The following MGAT4C variants were observed in gnomAD, a reference collection of about 807,000 sequenced individuals.
The protein encoded by MGAT4C is alpha-1,3-mannosyl-glycoprotein 4-beta-N-acetylglucosaminyltransferase C.
Under a neutral mutation model 40.1 loss-of-function variants are expected in MGAT4C, and 19 were observed. The ratio of observed to expected loss-of-function variants is 0.47; its 90% confidence interval spans 0.33 to 0.70. The LOEUF is 0.70. MGAT4C is among the 30% of genes least tolerant of loss of function. The pLI, the probability that MGAT4C is intolerant of heterozygous loss-of-function variation, is 0.02. For synonymous variants in MGAT4C, 181 were observed against 187.1 expected, an observed-to-expected ratio of 0.97 and a Z score of 0.27; for missense variants, 491 against 563.2, an observed-to-expected ratio of 0.87 and a Z score of 1.30.
chr12:86,304,799 C>T (rs1256141460), intron 4 of MGAT4C, among the ~76,000 whole-genome samples: 8 of 150,488 alleles, frequency 5.3e-5, no homozygotes, highest in East Asian at 1.9e-4. Context: ...CGCCATATGG[C>T]AATAGAGCCA....
chr12:86,553,362 C>A (rs565586229), intron 2 of MGAT4C, among the ~76,000 whole-genome samples: 8 of 152,086 alleles, frequency 5.3e-5, no homozygotes, highest in Non-Finnish European at 1.0e-4. Flanking sequence ...TTTAAACTCA[C>A]ACCTACTCTA....
At chr12:86,671,569 A>G (rs1964257435) in intron 2 of MGAT4C, among the ~76,000 whole-genome samples, 1 of 152,202 alleles carries the variant, frequency 6.6e-6, no homozygotes, top group South Asian at 2.1e-4. Flanking sequence ...CATTTGATCT[A>G]TAAAGATACC....
chr12:86,712,007 T>C (rs1249929404), intron 2 of MGAT4C, among the ~76,000 whole-genome samples: 1 of 152,150 alleles, frequency 6.6e-6, no homozygotes, highest in Non-Finnish European at 1.5e-5. Flanking sequence ...TTTTGATATA[T>C]TGCCATGTGC....
chr12:85,972,068 C>T lies in MGAT4C; in HGVS notation c.*7221G>A, dbSNP rs1314272047. On this transcript the variant is annotated 3_prime_UTR_variant, in exon 5 of 5. Coordinates refer to ENST00000611864, the MANE Select transcript of MGAT4C (RefSeq NM_001351288.2). ...ATATCCCCAACCATTACATTACAGACAATTCATATATATGTCTTGAAAATC... is the reference window on the plus strand; with the variant it reads ...ATATCCCCAACCATTACATTACAGATAATTCATATATATGTCTTGAAAATC... 4 of 151,134 alleles carry T rather than the reference C, an allele frequency of 2.6e-5. No individual in the cohort carries two copies. Among genetic ancestry groups the T allele is most frequent in the Non-Finnish European group, 4.5e-5 (3 of 67,318 alleles). The allele number at this position is 151,134 out of a possible 1,614,324, so 9.4% of individuals were successfully genotyped here.
At chr12:86,225,307 C>A (rs1292999134) in intron 1 of MGAT4C, among the ~76,000 whole-genome samples, 4 of 151,958 alleles carry the variant, frequency 2.6e-5, no homozygotes, top group Non-Finnish European at 4.4e-5. Context: ...ATAAAAAAGT[C>A]TCCAAACAAA....
chr12:86,332,159 GA>G (rs903907179), intron 4 of MGAT4C, among the ~76,000 whole-genome samples: 8 of 151,710 alleles, frequency 5.3e-5, no homozygotes, highest in East Asian at 3.9e-4. Flanking sequence ...TATAAAAATA[GA>G]AAAAAAATCA....
intron 3 of MGAT4C, among the ~76,000 whole-genome samples, chr12:86,423,083 T>C (rs1956859108): frequency 6.6e-6 from 1 of 152,110 alleles, no homozygotes; most frequent in Non-Finnish European, 1.5e-5. Flanking sequence ...AAATCAGCTG[T>C]TTTCTGAGAT....
chr12:86,766,338 C>A (rs1951507464), intron 1 of MGAT4C, among the ~76,000 whole-genome samples: 1 of 152,004 alleles, frequency 6.6e-6, no homozygotes, highest in South Asian at 2.1e-4. Flanking sequence ...TATATATGCA[C>A]CCAATACAGG....
chr12:86,411,652 A>G (rs1397614629), intron 3 of MGAT4C, among the ~76,000 whole-genome samples: 1 of 152,206 alleles, frequency 6.6e-6, no homozygotes, highest in African/African-American at 2.4e-5. Flanking sequence ...AAAAGTGTGG[A>G]AAAATTGCAG....
intron 1 of MGAT4C, among the ~76,000 whole-genome samples, chr12:86,235,545 T>C (rs1475118025): frequency 1.3e-5 from 2 of 152,068 alleles, no homozygotes; most frequent in Non-Finnish European, 2.9e-5. Context: ...CTCAATGCTA[T>C]TGTCATACTG....
chr12:86,586,111 C>A (rs1166405254), intron 2 of MGAT4C, among the ~76,000 whole-genome samples: 6 of 117,864 alleles, frequency 5.1e-5, no homozygotes, highest in Admixed American at 9.8e-5. Flanking sequence ...TCCCCCCACC[C>A]CACAACAGTC....
intron 1 of MGAT4C, among the ~76,000 whole-genome samples, chr12:86,236,331 T>C (rs1370515326): frequency 2.0e-5 from 3 of 152,070 alleles, no homozygotes; most frequent in Non-Finnish European, 4.4e-5. Context: ...GTTGGTAAGA[T>C]ATTTGTAGCA....
intron 1 of MGAT4C, among the ~76,000 whole-genome samples, chr12:86,066,006 T>C (rs1341741716): frequency 1.3e-5 from 2 of 152,118 alleles, no homozygotes; most frequent in Admixed American, 1.3e-4. Context: ...TTACAAGGGA[T>C]GTGAAAGACC....
intron 1 of MGAT4C, among the ~76,000 whole-genome samples, chr12:86,132,570 G>T (rs2135714943): frequency 6.6e-6 from 1 of 152,230 alleles, no homozygotes; most frequent in Non-Finnish European, 1.5e-5. Context: ...AAGGAGGGCA[G>T]ATCATGAGGT....
intron 1 of MGAT4C, among the ~76,000 whole-genome samples, chr12:86,050,822 T>C (rs1892827432): frequency 6.6e-6 from 1 of 151,990 alleles, no homozygotes; most frequent in Admixed American, 6.6e-5. Context: ...GTAGTAGGTA[T>C]TTTGGGATTC....
intron 2 of MGAT4C, among the ~76,000 whole-genome samples, chr12:86,502,664 CAT>C (rs1001891330): frequency 6.8e-6 from 1 of 146,040 alleles, no homozygotes; most frequent in African/African-American, 2.5e-5. Flanking sequence ...GATTTCTGCT[CAT>C]ATATATACAC....
At chr12:86,409,158 G>T (rs1956551822) in intron 3 of MGAT4C, among the ~76,000 whole-genome samples, 1 of 152,008 alleles carries the variant, frequency 6.6e-6, no homozygotes, top group South Asian at 2.1e-4. Flanking sequence ...TTTATATCTA[G>T]AAATTAGTTA....
At chr12:86,112,059 G>T (rs886843570) in intron 1 of MGAT4C, among the ~76,000 whole-genome samples, 2 of 151,700 alleles carry the variant, frequency 1.3e-5, no homozygotes, top group African/African-American at 4.8e-5. Context: ...ATACCTGTGG[G>T]AGCAAGTAAG....
intron 2 of MGAT4C, among the ~76,000 whole-genome samples, chr12:86,509,702 G>A (rs1468863921): frequency 1.3e-5 from 2 of 152,278 alleles, no homozygotes; most frequent in African/African-American, 4.8e-5. Flanking sequence ...AGCATGAAAT[G>A]TTCTTCCATT....
Sources: gnomAD v4.1 joint callset for allele counts (sites outside exome capture counted in the v4.1 genomes callset) on GRCh38, gnomAD v4.1.1 for gene constraint, MANE v1.5 for transcripts, NCBI Gene and HGNC (gene_info 2026-07-23, HGNC 2026-07-21) for gene names.